Variants in PIGL observed in about 807,000 individuals in gnomAD.
PIGL encodes N-acetylglucosaminyl-phosphatidylinositol de-N-acetylase.
PIGL carries 22 observed loss-of-function variants against 31.1 expected under a neutral mutation model. That is an observed-to-expected ratio of 0.71 (90% CI 0.51 to 1.01). The LOEUF is 1.01. Ranked by LOEUF, PIGL falls within the 50% of genes least tolerant of loss-of-function variation. The pLI is 0.00. For synonymous variants in PIGL, 131 were observed against 117.4 expected (o/e 1.12, Z -0.75); for missense variants, 302 against 315.9 (o/e 0.96, Z 0.33).
At chr17:16,305,999 A>G (rs1457424110) in intron 3 of PIGL, among the ~76,000 whole-genome samples, 6 of 152,144 alleles carry the variant, frequency 3.9e-5, no homozygotes, top group Non-Finnish European at 5.9e-5. Context: ...ACCAGGCTGG[A>G]GTACAGTGGC....
At chr17:16,224,808 C>T (rs1222882701) in intron 1 of PIGL, among the ~76,000 whole-genome samples, 1 of 152,150 alleles carries the variant, frequency 6.6e-6, no homozygotes, top group Non-Finnish European at 1.5e-5. Context: ...GGGCATGTGC[C>T]ACCATGCCCG....
At chr17:16,282,891 G>C (rs779742746) in intron 2 of PIGL, among the ~76,000 whole-genome samples, 1 of 152,174 alleles carries the variant, frequency 6.6e-6, no homozygotes, top group African/African-American at 2.4e-5. Context: ...TCTCTGGCCA[G>C]GTGCAGTGGC....
chr17:16,285,616 C>T (rs1477192471), intron 2 of PIGL, among the ~76,000 whole-genome samples: 1 of 151,958 alleles, frequency 6.6e-6, no homozygotes, highest in Non-Finnish European at 1.5e-5. Flanking sequence ...GGCTTCAAGC[C>T]GTATGTGGAA....
chr17:16,220,082 G>C (rs943329990), intron 1 of PIGL, among the ~76,000 whole-genome samples: 8 of 151,966 alleles, frequency 5.3e-5, no homozygotes, highest in Non-Finnish European at 1.0e-4. Flanking sequence ...GGGCATGGTG[G>C]CTCATGCCTG....
intron 3 of PIGL, among the ~76,000 whole-genome samples, chr17:16,310,973 G>C (rs1329001335): frequency 6.6e-6 from 1 of 152,216 alleles, no homozygotes; most frequent in Non-Finnish European, 1.5e-5. Flanking sequence ...TCAGGTGTAA[G>C]ATAGGGTTAA....
chr17:16,264,634 T>G (rs1199009694), intron 2 of PIGL, among the ~76,000 whole-genome samples: 1 of 148,456 alleles, frequency 6.7e-6, no homozygotes, highest in Admixed American at 6.8e-5. Flanking sequence ...ATTATTATTA[T>G]TATTATTATT....
At chr17:16,226,723 A>G (rs2092653777) in intron 1 of PIGL, among the ~76,000 whole-genome samples, 1 of 152,110 alleles carries the variant, frequency 6.6e-6, no homozygotes, top group African/African-American at 2.4e-5. Flanking sequence ...TAGCCCCACC[A>G]TATCTGTCTA....
chr17:16,282,091 G>A (rs199598224), intron 2 of PIGL: 72 of 508,500 alleles, frequency 1.4e-4, no homozygotes, highest in Middle Eastern at 3.2e-4. Context: ...ACTGCCTTTC[G>A]AGAATAATTC....
intron 2 of PIGL, among the ~76,000 whole-genome samples, chr17:16,257,773 T>G (rs2092800439): frequency 6.6e-6 from 1 of 151,572 alleles, no homozygotes; most frequent in African/African-American, 2.4e-5. Flanking sequence ...TAATTAGAAG[T>G]CCATATTTCC....
At chr17:16,296,472 T>C (rs1404560947) in intron 2 of PIGL, among the ~76,000 whole-genome samples, 1 of 151,692 alleles carries the variant, frequency 6.6e-6, no homozygotes, top group Non-Finnish European at 1.5e-5. Flanking sequence ...TAGCTGAGCA[T>C]GGTGGCAGGT....
At chr17:16,286,011 G>C (rs1421148191) in intron 2 of PIGL, among the ~76,000 whole-genome samples, 1 of 152,236 alleles carries the variant, frequency 6.6e-6, no homozygotes, top group African/African-American at 2.4e-5. Flanking sequence ...GCAGTCCCAG[G>C]TTAGGCTTCC....
intron 3 of PIGL, among the ~76,000 whole-genome samples, chr17:16,310,964 CA>C (rs2093046788): frequency 6.6e-6 from 1 of 152,218 alleles, no homozygotes; most frequent in Admixed American, 6.5e-5. Context: ...TGAACTTCCT[CA>C]GGTGTAAGAT....
At chr17:16,217,814 C>A (rs1008343271) in intron 1 of PIGL, 1 of 237,302 alleles carries the variant, frequency 4.2e-6, no homozygotes, top group Non-Finnish European at 8.3e-6. Context: ...TACTATATAG[C>A]ACACGAAACA....
intron 2 of PIGL, among the ~76,000 whole-genome samples, chr17:16,268,957 T>G (rs1401806193): frequency 2.0e-5 from 3 of 151,954 alleles, no homozygotes; most frequent in Non-Finnish European, 4.4e-5. Context: ...AGAGACAGGG[T>G]TTTACCATGT....
intron 3 of PIGL, 140 bp from the exon 4 acceptor site, chr17:16,313,407 G>C (rs2093063133): frequency 4.3e-6 from 3 of 698,306 alleles, no homozygotes; most frequent in African/African-American, 1.7e-5. Flanking sequence ...CCACTGATCT[G>C]CTCAGAAGTC....
At chr17:16,321,867 C>G (rs1053029370) in intron 6 of PIGL, among the ~76,000 whole-genome samples, 1 of 152,088 alleles carries the variant, frequency 6.6e-6, no homozygotes, top group East Asian at 1.9e-4. Flanking sequence ...TCACCTCAAC[C>G]TTCGCCTCCC....
At chr17:16,264,501 C>T (rs972169583) in intron 2 of PIGL, among the ~76,000 whole-genome samples, 4 of 152,020 alleles carry the variant, frequency 2.6e-5, no homozygotes, top group African/African-American at 9.7e-5. Flanking sequence ...AAAATAACTG[C>T]CTAGCTCTTT....
chr17:16,265,818 G>T (rs1370209931), intron 2 of PIGL, among the ~76,000 whole-genome samples: 3 of 151,898 alleles, frequency 2.0e-5, no homozygotes, highest in Admixed American at 2.0e-4. Flanking sequence ...AGAGTTTCTG[G>T]GCTTCAGACC....
rs1381334485 is a variant in PIGL at position 16,217,221 on chromosome 17, C to T, written c.-6C>T. On this transcript the variant is annotated 5_prime_UTR_variant, in exon 1 of 7. Coordinates refer to ENST00000225609, the MANE Select transcript of PIGL (RefSeq NM_004278.4). ...TACTGCGCAGGCTCAGTGCTGCTTA[C>T]CCATCATGGAAGCAATGTGGCTCCT... The T allele has an allele frequency of 2.5e-6, 4 of 1,613,008 alleles. No individual in the cohort carries two copies. The African/African-American group carries it at 4.0e-5, about 16-fold the overall frequency.
Sources: allele counts gnomAD v4.1 joint callset (sites outside exome capture counted in the v4.1 genomes callset), GRCh38; gene constraint gnomAD v4.1.1; transcripts MANE v1.5; gene names NCBI Gene and HGNC (gene_info 2026-07-23, HGNC 2026-07-21).